The following CTNNA3 variants were observed in gnomAD, a reference collection of about 807,000 sequenced individuals.
CTNNA3 encodes catenin alpha 3.
In CTNNA3, 76 loss-of-function variants were observed where a neutral mutation model predicts 95.7. The observed-to-expected ratio is 0.79, with a 90% CI of 0.66 to 0.96. The LOEUF is 0.96. Among genes scored for constraint, CTNNA3 ranks in the 40% least tolerant of loss-of-function variants. The pLI is 0.00. For missense variants in CTNNA3, 1,191 were observed against 1,089.8 expected, an observed-to-expected ratio of 1.09 and a Z score of -1.31; for synonymous variants, 431 against 374.4, an observed-to-expected ratio of 1.15 and a Z score of -1.74.
At chr10:67,741,679 G>A (rs958486451) in intron 1 of CTNNA3, among the ~76,000 whole-genome samples, 8 of 151,278 alleles carry the variant, frequency 5.3e-5, no homozygotes, top group Admixed American at 4.6e-4. Context: ...ATGTAAATGG[G>A]CTAAATGCTC....
intron 12 of CTNNA3, among the ~76,000 whole-genome samples, chr10:66,375,183 A>G (rs1215075187): frequency 6.6e-6 from 1 of 152,062 alleles, no homozygotes. Context: ...GCCATTGTGG[A>G]AGTATTAACT....
intron 11 of CTNNA3, among the ~76,000 whole-genome samples, chr10:66,515,971 T>A (rs1840839540): frequency 6.8e-6 from 1 of 146,580 alleles, no homozygotes; most frequent in South Asian, 2.2e-4. Flanking sequence ...ATTAAACACA[T>A]CTGTAACTTT....
At chr10:67,527,249 T>C (rs1564716365) in intron 4 of CTNNA3, among the ~76,000 whole-genome samples, 1 of 152,000 alleles carries the variant, frequency 6.6e-6, no homozygotes, top group Non-Finnish European at 1.5e-5. Context: ...AGAAAAAGAC[T>C]TCATCTCAAA....
At chr10:67,388,667 CG>C (rs1386009321) in intron 5 of CTNNA3, among the ~76,000 whole-genome samples, 19 of 151,194 alleles carry the variant, frequency 1.3e-4, no homozygotes, top group African/African-American at 4.6e-4. Flanking sequence ...AGAGAAAGGT[CG>C]GGTTACCCTC....
At chr10:67,174,126 C>A (rs10997550) in intron 7 of CTNNA3, among the ~76,000 whole-genome samples, 22,768 of 152,160 alleles carry the variant, frequency 0.15, 2,419 homozygotes, top group African/African-American at 0.31. Context: ...AAAATTATTT[C>A]ATTCTCCTCC....
chr10:67,710,213 G>A (rs1841099871), intron 1 of CTNNA3, among the ~76,000 whole-genome samples: 1 of 152,118 alleles, frequency 6.6e-6, no homozygotes, highest in South Asian at 2.1e-4. Context: ...CACCCAGACT[G>A]GCATAGCACA....
intron 14 of CTNNA3, among the ~76,000 whole-genome samples, chr10:66,089,824 G>A (rs1207884358): frequency 2.0e-5 from 3 of 151,604 alleles, no homozygotes; most frequent in Non-Finnish European, 2.9e-5. Context: ...ATTAATCTTA[G>A]GGATGGTGAC....
chr10:66,811,123 C>G (rs1025385911), intron 7 of CTNNA3, among the ~76,000 whole-genome samples: 9 of 152,194 alleles, frequency 5.9e-5, no homozygotes, highest in African/African-American at 2.2e-4. Flanking sequence ...TGTGCAAGCA[C>G]TAGTCCATGT....
Position 66,775,479 on chromosome 10 carries a change from T to C in CTNNA3, c.1093A>G (p.Asn365Asp). The C allele has an allele frequency of 6.2e-6, 10 of 1,611,928 alleles. No homozygotes were observed. Among genetic ancestry groups the C allele is most frequent in the Non-Finnish European group, 8.5e-6 (10 of 1,178,992 alleles). Residue 365 changes from asparagine to aspartate, a missense_variant, in exon 8 of 18, where the codon AAC becomes GAC. Asn to Asp is a conservative substitution (Grantham distance 23). Transcript: ENST00000433211. ...RSNTLNIALD[N>D]MCKKTRDLRR... Reference sequence around the variant, plus strand: ...AGGTCTCTTGTCTTCTTACACATGTTGTCTAAAGCAATATTCAGGGTATTA... The same window carrying C: ...AGGTCTCTTGTCTTCTTACACATGTCGTCTAAAGCAATATTCAGGGTATTA...
chr10:66,305,293 C>T (rs2091916761), intron 12 of CTNNA3, among the ~76,000 whole-genome samples: 1 of 152,088 alleles, frequency 6.6e-6, no homozygotes, highest in Non-Finnish European at 1.5e-5. Flanking sequence ...ACACACATAT[C>T]ATGTTTGAGC....
At chr10:66,101,996 G>A (rs1022455888) in intron 14 of CTNNA3, among the ~76,000 whole-genome samples, 2 of 152,020 alleles carry the variant, frequency 1.3e-5, no homozygotes, top group African/African-American at 4.8e-5. Context: ...AAGGAAATGT[G>A]CACTAACACT....
chr10:67,434,019 C>T (rs1275254738), intron 5 of CTNNA3, among the ~76,000 whole-genome samples: 1 of 152,078 alleles, frequency 6.6e-6, no homozygotes, highest in Non-Finnish European at 1.5e-5. Flanking sequence ...CTCCTCAATA[C>T]ACTTTTATAA....
chr10:67,334,463 GAA>G (rs1381327957), intron 5 of CTNNA3: 2 of 153,950 alleles, frequency 1.3e-5, no homozygotes, highest in African/African-American at 4.8e-5. Flanking sequence ...TGCTGGCAAA[GAA>G]GATGTTCCCA....
At chr10:67,056,225 T>C (rs1194683948) in intron 7 of CTNNA3, among the ~76,000 whole-genome samples, 1 of 152,114 alleles carries the variant, frequency 6.6e-6, no homozygotes, top group Non-Finnish European at 1.5e-5. Flanking sequence ...GGTATACAAG[T>C]TCTAATTCAA....
intron 7 of CTNNA3, among the ~76,000 whole-genome samples, chr10:67,168,757 C>T (rs1861889503): frequency 6.6e-6 from 1 of 152,162 alleles, no homozygotes; most frequent in Admixed American, 6.5e-5. Flanking sequence ...TTCTATTCAA[C>T]ATCATATTAG....
chr10:66,331,759 G>A (rs2092333628), intron 12 of CTNNA3, among the ~76,000 whole-genome samples: 1 of 151,770 alleles, frequency 6.6e-6, no homozygotes, highest in South Asian at 2.1e-4. Context: ...TTGTTCTTTT[G>A]GCTTAGGATT....
At chr10:66,650,468 A>T (rs183091515) in intron 9 of CTNNA3, among the ~76,000 whole-genome samples, 16 of 152,330 alleles carry the variant, frequency 1.1e-4, no homozygotes, top group Admixed American at 2.6e-4. Context: ...CTATTTTGAG[A>T]TAAGTGAAAA....
At chr10:66,562,941 A>C (rs1025709200) in intron 10 of CTNNA3, among the ~76,000 whole-genome samples, 3 of 152,108 alleles carry the variant, frequency 2.0e-5, no homozygotes, top group Non-Finnish European at 4.4e-5. Flanking sequence ...AGGAACATTA[A>C]AATAATTTTT....
chr10:67,354,106 C>T (rs1411132404), intron 5 of CTNNA3, among the ~76,000 whole-genome samples: 1 of 152,008 alleles, frequency 6.6e-6, no homozygotes, highest in Non-Finnish European at 1.5e-5. Context: ...TTACTAGGAA[C>T]ATTACAAAAG....
Sources: allele counts gnomAD v4.1 joint callset (sites outside exome capture counted in the v4.1 genomes callset), GRCh38; gene constraint gnomAD v4.1.1; transcripts MANE v1.5; gene names NCBI Gene and HGNC (gene_info 2026-07-23, HGNC 2026-07-21).